The following COL6A5 variants were observed in gnomAD, a reference collection of about 807,000 sequenced individuals.
COL6A5 encodes collagen alpha-5(VI) chain.
In COL6A5, 48 loss-of-function variants were observed where a neutral mutation model predicts 65.6. The observed-to-expected ratio is 0.73, with a 90% confidence interval of 0.58 to 0.93. COL6A5 has a LOEUF of 0.93. Among genes scored for constraint, COL6A5 ranks in the 40% least tolerant of loss-of-function variants. The pLI is 0.00. For synonymous variants in COL6A5, 291 were observed against 322.8 expected (o/e 0.90, Z 1.05); for missense variants, 914 against 928.3 (o/e 0.98, Z 0.20).
intron 5 of COL6A5, among the ~76,000 whole-genome samples, chr3:130,459,727 T>A (rs1285244083): frequency 6.6e-6 from 1 of 150,524 alleles, no homozygotes; most frequent in Non-Finnish European, 1.5e-5. Flanking sequence ...TCTACTATAT[T>A]TTTTTTTTAC....
At chr3:130,372,363 G>A (rs1056419503) in intron 1 of COL6A5, among the ~76,000 whole-genome samples, 2 of 152,018 alleles carry the variant, frequency 1.3e-5, no homozygotes, top group African/African-American at 2.4e-5. Context: ...ATGTACATAA[G>A]TGTTCATAGC....
intron 7 of COL6A5, among the ~76,000 whole-genome samples, chr3:130,473,825 G>A (rs1381703795): frequency 1.3e-5 from 2 of 152,094 alleles, no homozygotes; most frequent in African/African-American, 2.4e-5. Flanking sequence ...AATATGAAGG[G>A]TGGTGGAAGC....
At chr3:130,391,443 C>T in exon 7 of COL6A5, 3 of 1,551,696 alleles carry the variant, frequency 1.9e-6, no homozygotes, top group Middle Eastern at 1.7e-4. Context: ...ACCTACACTG[C>T]CAAGGCTCTC....
intron 13 of COL6A5, among the ~76,000 whole-genome samples, chr3:130,405,116 G>A (rs1936943066): frequency 6.6e-6 from 1 of 152,198 alleles, no homozygotes; most frequent in South Asian, 2.1e-4. Flanking sequence ...TGTGAGGACT[G>A]GCTTTTCTCA....
chr3:130,433,966 A>G (rs1406934063), intron 1 of COL6A5, among the ~76,000 whole-genome samples: 2 of 147,268 alleles, frequency 1.4e-5, no homozygotes, highest in Admixed American at 1.4e-4. Context: ...TTCTTCTAAA[A>G]AAAAAAACAA....
chr3:130,443,336 CT>C (rs961882606), intron 3 of COL6A5, 139 bp from the exon 36 acceptor site: 8 of 581,916 alleles, frequency 1.4e-5, no homozygotes, highest in Non-Finnish European at 2.2e-5. Context: ...CTGCTGTTTT[CT>C]GTTTTCACCC....
At chr3:130,362,333 T>C (rs1483779450) in intron 1 of COL6A5, among the ~76,000 whole-genome samples, 1 of 15,570 alleles carries the variant, frequency 6.4e-5, no homozygotes, top group Non-Finnish European at 3.3e-4. Context: ...TATATTTTTT[T>C]TTTTTTTTTT....
chr3:130,451,048 A>G (rs1216064175), intron 4 of COL6A5, among the ~76,000 whole-genome samples: 1 of 152,170 alleles, frequency 6.6e-6, no homozygotes, highest in Admixed American at 6.5e-5. Context: ...TGACCTCCAT[A>G]CAAAAAGTTT....
chr3:130,373,510 A>G, intron 1 of COL6A5, 101 bp from the exon 2 acceptor site: 1 of 625,892 alleles, frequency 1.6e-6, no homozygotes, highest in Non-Finnish European at 2.9e-6. Context: ...CTGCTTGACA[A>G]ATACTTGTTT....
chr3:130,419,231 AAAC>A (rs1937454721), intron 25 of COL6A5, among the ~76,000 whole-genome samples: 1 of 152,076 alleles, frequency 6.6e-6, no homozygotes, highest in African/African-American at 2.4e-5. Context: ...ATCCGTTGAA[AAAC>A]AACACTGCCC....
chr3:130,404,651 A>G (rs973172090), intron 13 of COL6A5, among the ~76,000 whole-genome samples: 5 of 152,222 alleles, frequency 3.3e-5, no homozygotes, highest in Non-Finnish European at 1.5e-5. Context: ...CACCACTGGC[A>G]GAAAGTCCAG....
At chr3:130,484,750 C>T (rs969487679) in exon 8 of COL6A5, 60 of 398,704 alleles carry the variant, frequency 1.5e-4, no homozygotes, top group Non-Finnish European at 2.3e-4. Context: ...AAAAGAATTA[C>T]GGAAAAGCAC....
At chr3:130,405,326 A>G (rs1293467481) in intron 13 of COL6A5, among the ~76,000 whole-genome samples, 1 of 152,182 alleles carries the variant, frequency 6.6e-6, no homozygotes, top group Non-Finnish European at 1.5e-5. Context: ...CAGGTAGTGA[A>G]GTGGCTGAGC....
chr3:130,465,904 G>A (rs1448924079), intron 5 of COL6A5, among the ~76,000 whole-genome samples: 2 of 151,754 alleles, frequency 1.3e-5, no homozygotes, highest in East Asian at 1.9e-4. Context: ...TGTCTAAGAG[G>A]AACAATGCAC....
chr3:130,414,130 A>G, exon 22 of COL6A5: 1 of 1,548,422 alleles, frequency 6.5e-7, no homozygotes, highest in South Asian at 1.2e-5. Context: ...CAAGGCCCAC[A>G]GGTGTGTTGG....
chr3:130,348,799 T>C (rs1344765118), intron 1 of COL6A5, among the ~76,000 whole-genome samples: 1 of 152,234 alleles, frequency 6.6e-6, no homozygotes, highest in African/African-American at 2.4e-5. Context: ...TTCCTGACTT[T>C]TTAACAATTG....
intron 2 of COL6A5, among the ~76,000 whole-genome samples, chr3:130,375,111 TG>T (rs1344302548): frequency 2.0e-5 from 3 of 152,194 alleles, no homozygotes; most frequent in African/African-American, 7.2e-5. Context: ...TAGATACTAT[TG>T]GCACCTCCCT....
At chr3:130,405,362 G>T (rs1936949901) in intron 13 of COL6A5, among the ~76,000 whole-genome samples, 1 of 152,076 alleles carries the variant, frequency 6.6e-6, no homozygotes, top group African/African-American at 2.4e-5. Flanking sequence ...TTGTGATCTT[G>T]GGTCTATAAA....
At chr3:130,404,592 G>A (rs576345509) in intron 13 of COL6A5, among the ~76,000 whole-genome samples, 2 of 152,292 alleles carry the variant, frequency 1.3e-5, no homozygotes, top group South Asian at 4.1e-4. Flanking sequence ...ACTAGCATGG[G>A]AGTGCTTTCA....
Sources: gnomAD v4.1 joint callset for allele counts (sites outside exome capture counted in the v4.1 genomes callset) on GRCh38, gnomAD v4.1.1 for gene constraint, MANE v1.5 for transcripts, NCBI Gene and HGNC (gene_info 2026-07-23, HGNC 2026-07-21) for gene names.